COL24A1: variants seen among roughly 807,000 people sequenced by gnomAD.
The protein encoded by COL24A1 is collagen type XXIV alpha 1 chain.
Under a neutral mutation model 253.9 loss-of-function variants are expected in COL24A1, and 224 were observed. The observed-to-expected ratio is 0.88, with a 90% CI of 0.79 to 0.99. COL24A1 has a LOEUF of 0.99. Among genes scored for constraint, COL24A1 ranks in the 50% least tolerant of loss-of-function variants. The pLI is 0.00. For missense variants in COL24A1, 2,131 were observed against 2,068.5 expected, an observed-to-expected ratio of 1.03 and a Z score of -0.59; for synonymous variants, 685 against 673.7, an observed-to-expected ratio of 1.02 and a Z score of -0.26.
chr1:86,041,113 C>A lies in COL24A1; in HGVS notation c.1950+5712G>T, dbSNP rs1699441050. Among the ~76,000 whole-genome samples, 5 of 152,218 alleles carry A rather than the reference C, an allele frequency of 3.3e-5. No homozygotes were observed. In the South Asian group the frequency reaches 8.3e-4, roughly 25 times the overall value. On this transcript the variant is annotated intron_variant, in intron 12 of 59. Transcript: ENST00000370571. ...TATGAGAAAAGAGGAGCAGGCTCTCCTTTCTATAGTTAGAAAAGTAAACAT... is the reference window on the plus strand; with the variant it reads ...TATGAGAAAAGAGGAGCAGGCTCTCATTTCTATAGTTAGAAAAGTAAACAT...
intron 57 of COL24A1, among the ~76,000 whole-genome samples, chr1:85,738,253 C>T (rs537643091): frequency 6.6e-6 from 1 of 152,226 alleles, no homozygotes; most frequent in East Asian, 1.9e-4. Context: ...ATAGAAACAA[C>T]TTCCATCTCT....
At chr1:86,092,069 A>G (rs1038754104) in intron 6 of COL24A1, among the ~76,000 whole-genome samples, 198 bp downstream of exon 6, 3 of 152,120 alleles carry the variant, frequency 2.0e-5, no homozygotes, top group Non-Finnish European at 4.4e-5. Context: ...AGTAATGTTA[A>G]GACTTAAATC....
chr1:86,053,846 T>C (rs908359634), intron 10 of COL24A1, among the ~76,000 whole-genome samples: 8 of 152,146 alleles, frequency 5.3e-5, no homozygotes, highest in African/African-American at 1.9e-4. Context: ...AAAATATTCA[T>C]GTACAATGCA....
intron 19 of COL24A1, among the ~76,000 whole-genome samples, chr1:86,015,350 G>A (rs961798923): frequency 1.6e-4 from 25 of 152,254 alleles, no homozygotes; most frequent in Admixed American, 1.3e-3. Flanking sequence ...TATATTAGTG[G>A]TGCTAAAATC....
chr1:85,876,388 G>A (rs1249152370), intron 33 of COL24A1, among the ~76,000 whole-genome samples: 1 of 152,154 alleles, frequency 6.6e-6, no homozygotes, highest in Non-Finnish European at 1.5e-5. Flanking sequence ...GAATTAAACA[G>A]AGGAAGAACA....
chr1:85,820,761 C>T (rs575321279), intron 45 of COL24A1, among the ~76,000 whole-genome samples: 2 of 152,118 alleles, frequency 1.3e-5, no homozygotes, highest in African/African-American at 2.4e-5. Context: ...TTTGCCTGGC[C>T]AGCACTGAAA....
At chr1:85,939,236 CA>C (rs1307340797) in intron 24 of COL24A1, among the ~76,000 whole-genome samples, 1 of 152,084 alleles carries the variant, frequency 6.6e-6, no homozygotes, top group Non-Finnish European at 1.5e-5. Flanking sequence ...TCTTCTTAAC[CA>C]AAATCTGTGG....
chr1:86,063,690 C>T (rs1366743351), intron 8 of COL24A1, 25 bp downstream of exon 8: 1 of 1,499,506 alleles, frequency 6.7e-7, no homozygotes, highest in African/African-American at 1.4e-5. Flanking sequence ...ACACATGATA[C>T]AAGTCTTATA....
intron 3 of COL24A1, among the ~76,000 whole-genome samples, chr1:86,124,469 ACTTCT>A (rs1484217314): frequency 5.2e-4 from 79 of 152,094 alleles, no homozygotes; most frequent in Non-Finnish European, 8.1e-4. Flanking sequence ...TCTTTTATAT[ACTTCT>A]CTTAACATGA....
chr1:85,990,921 G>C (rs1239551059), intron 19 of COL24A1, among the ~76,000 whole-genome samples: 1 of 152,132 alleles, frequency 6.6e-6, no homozygotes, highest in South Asian at 2.1e-4. Flanking sequence ...TGTACCACTA[G>C]TAACCAAACA....
chr1:86,115,489 C>A, intron 3 of COL24A1, 111 bp from the exon 4 acceptor site: 1 of 985,588 alleles, frequency 1.0e-6, no homozygotes, highest in Non-Finnish European at 1.5e-6. Context: ...CCCCAGTTCC[C>A]AGCTGGTGAT....
chr1:85,860,164 A>G (rs779313284), intron 37 of COL24A1, among the ~76,000 whole-genome samples: 6 of 152,184 alleles, frequency 3.9e-5, no homozygotes, highest in Non-Finnish European at 8.8e-5. Flanking sequence ...ACATTTACAT[A>G]TGTGATAGTT....
intron 14 of COL24A1, among the ~76,000 whole-genome samples, chr1:86,030,813 G>T (rs1255500593): frequency 2.7e-5 from 4 of 150,716 alleles, no homozygotes; most frequent in African/African-American, 9.8e-5. Context: ...CCCAGGCTTG[G>T]TCTCAAACTC....
intron 5 of COL24A1, among the ~76,000 whole-genome samples, chr1:86,095,184 A>G (rs553231469): frequency 1.7e-4 from 26 of 152,170 alleles, no homozygotes; most frequent in Admixed American, 5.2e-4. Flanking sequence ...ATTTTCTATC[A>G]TCTGTCAGCT....
At chr1:86,074,430 A>C (rs545604413) in intron 7 of COL24A1, among the ~76,000 whole-genome samples, 1 of 152,328 alleles carries the variant, frequency 6.6e-6, no homozygotes, top group East Asian at 1.9e-4. Flanking sequence ...ACATGCACCC[A>C]ATACAGGAGT....
chr1:86,151,505 G>A (rs958039793), intron 1 of COL24A1, among the ~76,000 whole-genome samples: 2 of 152,122 alleles, frequency 1.3e-5, no homozygotes, highest in African/African-American at 4.8e-5. Flanking sequence ...CTCTGCATGA[G>A]TCTGGCTGCT....
chr1:85,860,185 A>G (rs1317318033), intron 37 of COL24A1, among the ~76,000 whole-genome samples: 1 of 152,210 alleles, frequency 6.6e-6, no homozygotes. Context: ...ACATGATACT[A>G]TATACTCATA....
chr1:85,940,231 C>T (rs1413950320), intron 24 of COL24A1, among the ~76,000 whole-genome samples: 1 of 31,968 alleles, frequency 3.1e-5, no homozygotes, highest in Non-Finnish European at 7.3e-5. Context: ...GGTGAAACCC[C>T]GTCTCTACTA....
chr1:85,848,947 A>G (rs1224542165), intron 38 of COL24A1, among the ~76,000 whole-genome samples: 1 of 152,190 alleles, frequency 6.6e-6, no homozygotes, highest in African/African-American at 2.4e-5. Flanking sequence ...AAAAAATAAA[A>G]CCAACTTAGA....
Sources: gnomAD v4.1 joint callset for allele counts (sites outside exome capture counted in the v4.1 genomes callset) on GRCh38, gnomAD v4.1.1 for gene constraint, MANE v1.5 for transcripts, NCBI Gene and HGNC (gene_info 2026-07-23, HGNC 2026-07-21) for gene names.